WDFY4: variants seen among roughly 807,000 people sequenced by gnomAD.
WDFY4 encodes the protein WDFY family member 4.
A neutral mutation model predicts 351.9 loss-of-function variants in WDFY4; 169 were observed. That is an observed-to-expected ratio of 0.48 (90% CI 0.42 to 0.55). WDFY4 has a LOEUF of 0.55. Ranked by LOEUF, WDFY4 falls within the 20% of genes least tolerant of loss-of-function variation. The pLI, the probability that WDFY4 is intolerant of heterozygous loss-of-function variation, is 0.00. For synonymous variants in WDFY4, 1,622 were observed against 1,574.6 expected, an observed-to-expected ratio of 1.03 and a Z score of -0.71; for missense variants, 3,803 against 3,935.6, an observed-to-expected ratio of 0.97 and a Z score of 0.90.
chr10:48,958,050 C>T (rs1841687701), intron 52 of WDFY4, among the ~76,000 whole-genome samples: 1 of 152,180 alleles, frequency 6.6e-6, no homozygotes, highest in African/African-American at 2.4e-5. Context: ...TCTAGAGCCC[C>T]CCCTCGTCAG....
intron 8 of WDFY4, among the ~76,000 whole-genome samples, 167 bp downstream of exon 8, chr10:48,729,756 A>C (rs1342789921): frequency 6.6e-6 from 1 of 152,158 alleles, no homozygotes; most frequent in East Asian, 1.9e-4. Flanking sequence ...GACTTAGTGG[A>C]AACATTGCTT....
intron 13 of WDFY4, among the ~76,000 whole-genome samples, chr10:48,762,379 C>T (rs764701038): frequency 1.3e-5 from 2 of 152,206 alleles, no homozygotes; most frequent in African/African-American, 2.4e-5. Flanking sequence ...TCCTGTTCCC[C>T]TGCTGGAGAG....
intron 60 of WDFY4, 33 bp from the exon 61 acceptor site, chr10:48,981,334 C>A (rs762169392): frequency 1.3e-6 from 2 of 1,542,598 alleles, no homozygotes; most frequent in Non-Finnish European, 1.8e-6. Flanking sequence ...GCCGATCTGG[C>A]GTTCTAACTC....
intron 39 of WDFY4, among the ~76,000 whole-genome samples, chr10:48,858,760 A>C (rs139927079): frequency 6.6e-5 from 10 of 152,214 alleles, no homozygotes; most frequent in Non-Finnish European, 1.2e-4. Context: ...GTATTTTAAT[A>C]AGAATTTTAT....
intron 51 of WDFY4, among the ~76,000 whole-genome samples, chr10:48,947,825 G>T (rs1182952017): frequency 6.6e-6 from 1 of 152,202 alleles, no homozygotes; most frequent in African/African-American, 2.4e-5. Flanking sequence ...AGAGAATATA[G>T]CACAGGGAGT....
At chr10:48,928,353 C>CGTGTGTGTGTGT (rs3081490) in intron 47 of WDFY4, among the ~76,000 whole-genome samples, 1,848 of 124,998 alleles carry the variant, frequency 0.015, 47 homozygotes, top group Admixed American at 0.024. Context: ...TTGGTTTTGA[C>CGTGTGTGTGTGT]GTGTGTGTGT....
In WDFY4 at chr10:48,756,811, C is replaced by T. The variant is rs191489400; in HGVS notation, c.2460-3536C>T. ...GTAGTCCAATTGGCCATAGTACCCT[C>T]GTTATTTTATATGTAGCTAGGTATT... is the stretch of plus-strand genomic sequence containing the variant. On this transcript the variant is annotated intron_variant, in intron 12 of 61. Coordinates refer to ENST00000325239, the MANE Select transcript of WDFY4 (RefSeq NM_001394531.1). Among the ~76,000 whole-genome samples the T allele has an allele frequency of 3.4e-4, 51 of 152,076 alleles. No individual in the cohort carries two copies. In the East Asian group the frequency reaches 7.7e-3, roughly 23 times the overall value.
Position 48,723,469 on chromosome 10 carries a change from G to A in WDFY4, c.493G>A (p.Ala165Thr). The change falls in exon 5 of 62, where the codon GCC becomes ACC. Residue 165 changes from alanine to threonine, a missense_variant. By Grantham distance (58) the Ala-to-Thr change is moderately conservative. Transcript: ENST00000325239. The part of the protein sequence containing the change: ...LGRVAESGLP[A>T]LLLQCLYLFF... ...CAGGGTTGCTGAGTCTGGGCTTCCA[G>A]CCCTGCTCCTACAGTGCCTTTACCT... The A allele has an allele frequency of 2.6e-6, 4 of 1,550,718 alleles. No individual in the cohort carries two copies. Among genetic ancestry groups the A allele is most frequent in the Non-Finnish European group, 3.5e-6 (4 of 1,146,984 alleles).
chr10:48,957,996 C>G (rs1265380163), intron 52 of WDFY4, among the ~76,000 whole-genome samples: 1 of 152,220 alleles, frequency 6.6e-6, no homozygotes, highest in African/African-American at 2.4e-5. Flanking sequence ...GAATCATCTT[C>G]TGCAGAGAAC....
chr10:48,937,416 G>T (rs768861849), intron 47 of WDFY4, among the ~76,000 whole-genome samples: 1 of 152,164 alleles, frequency 6.6e-6, no homozygotes, highest in Non-Finnish European at 1.5e-5. Context: ...TCTGGTCCTG[G>T]CAGGTGCTCT....
Position 48,823,551 on chromosome 10 carries a change from C to T in WDFY4, c.5982+1014C>T, listed in dbSNP as rs188387212. ...TGTCTGATGAGCAGGTCCAAGCAAA[C>T]CTGGAAAGACTTGAATTCAAAGGCT... On this transcript the variant is annotated intron_variant, in intron 35 of 61. Coordinates refer to ENST00000325239, the MANE Select transcript of WDFY4 (RefSeq NM_001394531.1). The T allele has an allele frequency of 5.2e-4, 560 of 1,076,120 alleles. 2 individuals are homozygous for T. The African/African-American group carries it at 8.7e-3, about 17-fold the overall frequency. The allele number at this position is 1,076,120 out of a possible 1,614,324, so 66.7% of individuals were successfully genotyped here.
intron 2 of WDFY4, among the ~76,000 whole-genome samples, chr10:48,711,554 G>A (rs1001769162): frequency 1.1e-4 from 17 of 152,120 alleles, no homozygotes; most frequent in African/African-American, 3.9e-4. Flanking sequence ...TGGGCAGCCC[G>A]GGCTCTGATG....
At chr10:48,729,918 C>T (rs534007915) in intron 8 of WDFY4, among the ~76,000 whole-genome samples, 7 of 152,332 alleles carry the variant, frequency 4.6e-5, no homozygotes, top group South Asian at 2.1e-4. Flanking sequence ...CTTCTCAGTA[C>T]TTTGAGACAT....
intron 7 of WDFY4, among the ~76,000 whole-genome samples, 163 bp from the exon 8 acceptor site, chr10:48,729,269 T>C (rs1031513249): frequency 5.9e-5 from 9 of 152,230 alleles, no homozygotes; most frequent in Non-Finnish European, 1.3e-4. Context: ...GAGTGGTGTT[T>C]ATCCAGGGCG....
At chr10:48,800,879 C>T (rs902790920) in intron 24 of WDFY4, among the ~76,000 whole-genome samples, 14 of 151,842 alleles carry the variant, frequency 9.2e-5, no homozygotes, top group Non-Finnish European at 7.4e-5. Flanking sequence ...ATTACAGGCA[C>T]GTGCCACCAC....
chr10:48,840,419 T>TACAC (rs2068556780), intron 39 of WDFY4, among the ~76,000 whole-genome samples: 7 of 113,428 alleles, frequency 6.2e-5, no homozygotes, highest in South Asian at 6.1e-4. Context: ...CACACACACA[T>TACAC]ACACATACAC....
At chr10:48,807,374 G>T (rs2067292674) in intron 27 of WDFY4, among the ~76,000 whole-genome samples, 2 of 152,082 alleles carry the variant, frequency 1.3e-5, no homozygotes, top group Admixed American at 1.3e-4. Flanking sequence ...TCTTCCCCTT[G>T]CTCCATATAC....
At chr10:48,770,369 AG>A (rs2065822468) in intron 13 of WDFY4, among the ~76,000 whole-genome samples, 1 of 152,252 alleles carries the variant, frequency 6.6e-6, no homozygotes, top group East Asian at 1.9e-4. Context: ...AAGTCCCCAA[AG>A]CAATAAGTGA....
chr10:48,811,434 C>A (rs2067442100), intron 29 of WDFY4, 105 bp from the exon 30 acceptor site: 2 of 963,216 alleles, frequency 2.1e-6, no homozygotes, highest in Non-Finnish European at 1.5e-6. Context: ...TCCAGCATTT[C>A]TATGGGATGG....
Sources: gnomAD v4.1 joint callset for allele counts (sites outside exome capture counted in the v4.1 genomes callset) on GRCh38, gnomAD v4.1.1 for gene constraint, MANE v1.5 for transcripts, NCBI Gene and HGNC (gene_info 2026-07-23, HGNC 2026-07-21) for gene names.